The following B3GALT1 variants were observed in gnomAD, a reference collection of about 807,000 sequenced individuals.
B3GALT1 encodes the protein beta-1,3-galactosyltransferase 1.
Under a neutral mutation model 23.2 loss-of-function variants are expected in B3GALT1, and 10 were observed. The ratio of observed to expected loss-of-function variants is 0.43; its 90% CI spans 0.27 to 0.73. The LOEUF is 0.73. B3GALT1 is among the 30% of genes least tolerant of loss of function. The pLI is 0.21. For synonymous variants in B3GALT1, 156 were observed against 141.5 expected (o/e 1.10, Z -0.73); for missense variants, 299 against 405.4 (o/e 0.74, Z 2.25).
chr2:167,637,776 T>C (rs1376890892), intron 2 of B3GALT1, among the ~76,000 whole-genome samples: 1 of 151,924 alleles, frequency 6.6e-6, no homozygotes, highest in East Asian at 1.9e-4. Context: ...GGGCCTGGCT[T>C]ATTTCAGTTA....
intron 3 of B3GALT1, among the ~76,000 whole-genome samples, chr2:167,676,536 C>T (rs1220258374): frequency 6.6e-6 from 1 of 150,584 alleles, no homozygotes; most frequent in Non-Finnish European, 1.5e-5. Context: ...CACACACACA[C>T]ACACACACAC....
chr2:167,488,755 T>G (rs1699661056), intron 1 of B3GALT1, among the ~76,000 whole-genome samples: 1 of 152,180 alleles, frequency 6.6e-6, no homozygotes, highest in South Asian at 2.1e-4. Context: ...TTCTGTCAAT[T>G]CCTCACAGCC....
At chr2:167,449,295 G>C (rs1417748271) in intron 1 of B3GALT1, among the ~76,000 whole-genome samples, 6 of 152,066 alleles carry the variant, frequency 3.9e-5, no homozygotes, top group African/African-American at 1.4e-4. Context: ...TCCTTATAGA[G>C]GTCCTTCACT....
At chr2:167,384,039 G>C (rs1697882997) in intron 1 of B3GALT1, among the ~76,000 whole-genome samples, 1 of 152,208 alleles carries the variant, frequency 6.6e-6, no homozygotes, top group African/African-American at 2.4e-5. Flanking sequence ...CTGTGGATTA[G>C]AGTAAAGAGC....
intron 2 of B3GALT1, among the ~76,000 whole-genome samples, chr2:167,576,032 A>G (rs559486650): frequency 9.2e-5 from 14 of 151,864 alleles, no homozygotes; most frequent in African/African-American, 2.9e-4. Context: ...TACTCAGTAC[A>G]CAGTGAATTA....
intron 1 of B3GALT1, among the ~76,000 whole-genome samples, chr2:167,465,554 T>C (rs1699331866): frequency 6.6e-6 from 1 of 152,136 alleles, no homozygotes; most frequent in South Asian, 2.1e-4. Flanking sequence ...ATCTTGTTAA[T>C]AAGGTTATAA....
At chr2:167,576,520 G>GTTTTTTTTTTTTTTTTTTTTT (rs67961883) in intron 2 of B3GALT1, among the ~76,000 whole-genome samples, 1 of 122,424 alleles carries the variant, frequency 8.2e-6, no homozygotes. Context: ...TTGTTTTTCT[G>GTTTTTTTTTTTTTTTTTTTTT]TTTTTTTTTT....
At position 167,815,429 on chromosome 2, in the gene B3GALT1, G is replaced by A. The variant is rs1413076818; in HGVS notation, c.-351-3243G>A. Among the ~76,000 whole-genome samples, 4 of 152,178 alleles carry A rather than the reference G, an allele frequency of 2.6e-5. No individual in the cohort carries two copies. In the South Asian group the frequency reaches 6.2e-4, roughly 24 times the overall value. On this transcript the variant is annotated intron_variant, in intron 3 of 4. Coordinates refer to ENST00000392690, the MANE Select transcript of B3GALT1 (RefSeq NM_020981.4). Reference sequence around the variant, plus strand: ...TGGCGCTTTGTGTTTTGTTCTGTTGGTCCTTATTTAAGTCCTTTATCTCAA... The same window carrying A: ...TGGCGCTTTGTGTTTTGTTCTGTTGATCCTTATTTAAGTCCTTTATCTCAA...
intron 3 of B3GALT1, among the ~76,000 whole-genome samples, chr2:167,734,192 AG>A (rs1687456425): frequency 6.6e-6 from 1 of 152,224 alleles, no homozygotes; most frequent in African/African-American, 2.4e-5. Flanking sequence ...ACATAAGTCC[AG>A]GGAATGTTCT....
intron 2 of B3GALT1, among the ~76,000 whole-genome samples, chr2:167,501,279 G>A (rs892381829): frequency 1.3e-5 from 2 of 151,756 alleles, no homozygotes; most frequent in Non-Finnish European, 2.9e-5. Context: ...CTTTCTGATT[G>A]TGTATTATTA....
chr2:167,746,003 A>AGATCT (rs1465539287), intron 3 of B3GALT1, among the ~76,000 whole-genome samples: 1 of 152,194 alleles, frequency 6.6e-6, no homozygotes, highest in African/African-American at 2.4e-5. Context: ...TAATGGTATC[A>AGATCT]GATCTAAGTC....
chr2:167,827,067 C>T (rs1339720485), intron 4 of B3GALT1, among the ~76,000 whole-genome samples: 1 of 152,168 alleles, frequency 6.6e-6, no homozygotes, highest in Admixed American at 6.5e-5. Flanking sequence ...GCTTCCTGTT[C>T]AGAGGCAGAA....
At chr2:167,857,156 T>TTC (rs919726270) in intron 4 of B3GALT1, among the ~76,000 whole-genome samples, 19 of 152,228 alleles carry the variant, frequency 1.2e-4, no homozygotes, top group African/African-American at 4.3e-4. Flanking sequence ...GTTTCTTTGA[T>TTC]TATGAGACCT....
At chr2:167,496,396 A>G (rs1699783696) in intron 2 of B3GALT1, among the ~76,000 whole-genome samples, 1 of 152,198 alleles carries the variant, frequency 6.6e-6, no homozygotes, top group African/African-American at 2.4e-5. Context: ...GCCAACAGTA[A>G]AGGAGATGGA....
intron 2 of B3GALT1, among the ~76,000 whole-genome samples, chr2:167,642,700 T>C (rs1368121490): frequency 1.3e-5 from 2 of 152,170 alleles, no homozygotes; most frequent in African/African-American, 4.8e-5. Flanking sequence ...TAACCTGCCT[T>C]ATTTTTCTTC....
intron 3 of B3GALT1, among the ~76,000 whole-genome samples, chr2:167,665,840 G>A (rs1686169750): frequency 7.2e-6 from 1 of 138,292 alleles, no homozygotes. Context: ...GTGTCTATTT[G>A]ATTCTTCTCT....
intron 3 of B3GALT1, among the ~76,000 whole-genome samples, chr2:167,664,292 G>C (rs914948274): frequency 2.8e-4 from 43 of 151,478 alleles, no homozygotes; most frequent in Non-Finnish European, 4.7e-4. Context: ...CGTTATTTCT[G>C]AGGGCTCTGT....
At chr2:167,838,693 C>T (rs1689552862) in intron 4 of B3GALT1, among the ~76,000 whole-genome samples, 2 of 152,286 alleles carry the variant, frequency 1.3e-5, no homozygotes, top group Non-Finnish European at 2.9e-5. Context: ...CAGCATCATC[C>T]TGATACCAAA....
chr2:167,672,997 G>T (rs1192016263), intron 3 of B3GALT1, among the ~76,000 whole-genome samples: 1 of 150,666 alleles, frequency 6.6e-6, no homozygotes, highest in East Asian at 1.9e-4. Flanking sequence ...TGTGTGGGAG[G>T]GGGGTATCTG....
Sources: allele counts gnomAD v4.1 joint callset (sites outside exome capture counted in the v4.1 genomes callset), GRCh38; gene constraint gnomAD v4.1.1; transcripts MANE v1.5; gene names NCBI Gene and HGNC (gene_info 2026-07-23, HGNC 2026-07-21).